The following PHACTR2 variants were observed in gnomAD, a reference collection of about 807,000 sequenced individuals.
The protein encoded by PHACTR2 is phosphatase and actin regulator 2.
PHACTR2 carries 30 observed loss-of-function variants against 76.0 expected under a neutral mutation model. The observed-to-expected ratio is 0.39, with a 90% confidence interval of 0.30 to 0.54. The LOEUF (loss-of-function observed/expected upper bound fraction) is 0.54, where lower values mean the gene tolerates loss of function less well. Ranked by LOEUF, PHACTR2 falls within the 20% of genes least tolerant of loss-of-function variation. The pLI is 0.61. For missense variants in PHACTR2, 696 were observed against 781.1 expected (o/e 0.89, Z 1.30); for synonymous variants, 292 against 292.5 (o/e 1.00, Z 0.02).
At chr6:143,812,484 G>A (rs991799621) in intron 12 of PHACTR2, among the ~76,000 whole-genome samples, 27 of 152,120 alleles carry the variant, frequency 1.8e-4, no homozygotes, top group African/African-American at 6.3e-4. Flanking sequence ...TGATACTTCT[G>A]TCATGGAATA....
rs1478535585 is a variant in PHACTR2 at position 143,686,580 on chromosome 6, T to C, written c.46+8371T>C. ...TCGGCTCACTGCAACCTCCACCTTC[T>C]GGTTTCAAGTGATTCTCCTGCCTCA... On this transcript the variant is annotated intron_variant, in intron 1 of 12. Transcript: ENST00000440869. Among the ~76,000 whole-genome samples, 21 of 149,538 alleles carry C rather than the reference T, an allele frequency of 1.4e-4. No individual in the cohort carries two copies. In the Admixed American group the frequency reaches 1.4e-3, roughly 10 times the overall value.
At chr6:143,665,051 G>A (rs925700809) in intron 1 of PHACTR2, among the ~76,000 whole-genome samples, 3 of 151,908 alleles carry the variant, frequency 2.0e-5, no homozygotes, top group African/African-American at 4.8e-5. Flanking sequence ...TGCCAGCCTC[G>A]GCCTCCCAAA....
intron 1 of PHACTR2, 166 bp from the exon 2 acceptor site, chr6:143,711,850 A>T (rs1302612821): frequency 1.3e-6 from 1 of 763,076 alleles, no homozygotes; most frequent in East Asian, 2.5e-5. Flanking sequence ...TGACTGATTG[A>T]TATGAGGGAA....
rs1213422118 is a variant in PHACTR2 at position 143,599,772 on chromosome 6, T to C, written c.217+62565T>C. Among the ~76,000 whole-genome samples the C allele has an allele frequency of 6.6e-6, 1 of 152,188 alleles. No homozygotes were observed. Among genetic ancestry groups the C allele is most frequent in the Non-Finnish European group, 1.5e-5 (1 of 68,020 alleles). On this transcript the variant is annotated intron_variant, in intron 1 of 11. Transcript: ENST00000367584. The surrounding 1 kb of genome is among the most constrained non-coding windows in gnomAD (Gnocchi z 4.6). ...ATTAAGACATACCACCCTTTCTTTA[T>C]AGAGTCATGAGTCTGCAAGGGATTT... is the stretch of plus-strand genomic sequence containing the variant.
intron 2 of PHACTR2, among the ~76,000 whole-genome samples, chr6:143,725,628 A>G (rs1778548119): frequency 6.6e-6 from 1 of 151,682 alleles, no homozygotes; most frequent in Admixed American, 6.6e-5. Context: ...CGAGGTCAAG[A>G]GATCAAGACC....
At position 143,794,369 on chromosome 6, in the gene PHACTR2, ATTAAG is replaced by A. The variant is rs1355023739; in HGVS notation, c.1845+5464_1845+5468del. Among the ~76,000 whole-genome samples, 2 of 151,452 alleles carry A rather than the reference ATTAAG, an allele frequency of 1.3e-5. No individual in the cohort carries two copies. The highest frequency in any genetic ancestry group is 2.9e-5 in the Non-Finnish European group (2 of 67,882). ...ATTTAGATCAGATTTAAAATATTGT[ATTAAG>A]TTAATTCATGTAAAAATTATAATTT... On this transcript the variant is annotated intron_variant, in intron 11 of 12. Coordinates refer to ENST00000440869, the MANE Select transcript of PHACTR2 (RefSeq NM_001100164.2). This position sits in a 1 kb window ranked among gnomAD's most constrained non-coding sequence, Gnocchi z 4.1.
Position 143,753,747 on chromosome 6 carries a change from A to G in PHACTR2, c.296-7A>G, listed in dbSNP as rs1480512068. ...TTAGACATCTAGGTGTTTCTTTCCC[A>G]TTTTAGATGGAGATGTAACAGTTAA... On this transcript the variant is annotated splice_region_variant and splice_polypyrimidine_tract_variant and intron_variant, in intron 3 of 12. Transcript: ENST00000440869. This position sits in a 1 kb window ranked among gnomAD's most constrained non-coding sequence, Gnocchi z 4.6. 1 of 1,579,304 alleles carries G rather than the reference A, an allele frequency of 6.3e-7. No homozygotes were observed. Among genetic ancestry groups the G allele is most frequent in the East Asian group, 2.2e-5 (1 of 44,506 alleles).
chr6:143,593,028 C>A, intron 1 of PHACTR2, among the ~76,000 whole-genome samples: 1 of 114,538 alleles, frequency 8.7e-6, no homozygotes, highest in Non-Finnish European at 1.6e-5. Flanking sequence ...GCCTGGGTGA[C>A]AGAGCAAGAC....
chr6:143,607,915 C>T (rs1033123332), upstream of PHACTR2, among the ~76,000 whole-genome samples: 1 of 152,182 alleles, frequency 6.6e-6, no homozygotes, highest in Non-Finnish European at 1.5e-5. Context: ...ATGATCAGTG[C>T]CTCTTCCTGC....
intron 3 of PHACTR2, among the ~76,000 whole-genome samples, chr6:143,752,283 T>C (rs1289392794): frequency 1.3e-5 from 2 of 152,050 alleles, no homozygotes; most frequent in Admixed American, 6.5e-5. Flanking sequence ...AAACTGAAGA[T>C]TTTTATACAT....
chr6:143,813,502 C>CA (rs1776225984), intron 12 of PHACTR2, among the ~76,000 whole-genome samples: 1 of 151,396 alleles, frequency 6.6e-6, no homozygotes, highest in African/African-American at 2.4e-5. Flanking sequence ...CCTGTAGTGC[C>CA]AGCTACTCCA....
intron 1 of PHACTR2, among the ~76,000 whole-genome samples, chr6:143,579,574 A>AC (rs36077303): frequency 5.9e-5 from 9 of 151,364 alleles, no homozygotes; most frequent in Admixed American, 2.0e-4. Flanking sequence ...AGCCCAAGGA[A>AC]CCCCCCCAAT....
rs1465842838 is a variant in PHACTR2 at position 143,678,109 on chromosome 6, A to G, written c.-55A>G. 1.3e-6 allele frequency: 2 copies of G among 1,545,380 alleles called. No homozygotes were observed. Among genetic ancestry groups the G allele is most frequent in the Non-Finnish European group, 1.7e-6 (2 of 1,144,682 alleles). On this transcript the variant is annotated 5_prime_UTR_variant, in exon 1 of 13. Transcript: ENST00000440869. The surrounding 1 kb of genome is among the most constrained non-coding windows in gnomAD (Gnocchi z 6.2). Reference sequence around the variant, plus strand: ...AAGTCTGGCTGGGAGCGGACCCATGATCGAAGGACCAAAGGAGCCGCTTGA... The same window carrying G: ...AAGTCTGGCTGGGAGCGGACCCATGGTCGAAGGACCAAAGGAGCCGCTTGA...
In PHACTR2 at chr6:143,793,786, G is replaced by A. The variant is rs1043061309; in HGVS notation, c.1845+4876G>A. On this transcript the variant is annotated intron_variant, in intron 11 of 12. Coordinates refer to ENST00000440869, the MANE Select transcript of PHACTR2 (RefSeq NM_001100164.2). This position sits in a 1 kb window ranked among gnomAD's most constrained non-coding sequence, Gnocchi z 4.4. Reference sequence around the variant, plus strand: ...CAAAAAATTAGCCGGGTGTGGTGGCGCGTACCTGTAGTCCCAGCTACTCGG... The same window carrying A: ...CAAAAAATTAGCCGGGTGTGGTGGCACGTACCTGTAGTCCCAGCTACTCGG... 1.5e-4 allele frequency among the ~76,000 whole-genome samples: 23 copies of A among 151,908 alleles called. No homozygotes were observed. The highest frequency in any genetic ancestry group is 7.9e-4 in the Admixed American group (12 of 15,236).
At chr6:143,607,868 ATGTAT>A (rs764717290), upstream of PHACTR2, among the ~76,000 whole-genome samples, 5 of 152,178 alleles carry the variant, frequency 3.3e-5, no homozygotes, top group Non-Finnish European at 7.3e-5. Context: ...GGAAAGGATA[ATGTAT>A]TGTATTTTTA....
intron 1 of PHACTR2, among the ~76,000 whole-genome samples, chr6:143,635,114 GTTACT>G (rs948917332): frequency 5.9e-5 from 9 of 152,112 alleles, no homozygotes; most frequent in African/African-American, 2.2e-4. Flanking sequence ...GATGGCATGT[GTTACT>G]TTATCTCCAT....
At chr6:143,642,681 G>T (rs527990030) in intron 1 of PHACTR2, among the ~76,000 whole-genome samples, 1 of 152,296 alleles carries the variant, frequency 6.6e-6, no homozygotes, top group South Asian at 2.1e-4. Context: ...AGGGAATTTG[G>T]ACACAGAGAT....
At position 143,595,325 on chromosome 6, in the gene PHACTR2, A is replaced by G. The variant is rs1418011260; in HGVS notation, c.217+58118A>G. On this transcript the variant is annotated intron_variant, in intron 1 of 11. Coordinates refer to the PHACTR2 transcript ENST00000367584. This position sits in a 1 kb window ranked among gnomAD's most constrained non-coding sequence, Gnocchi z 4.2. ...CTGATTTTCTAGCTTTTTAACAGTA[A>G]AGGTAACTTTATTTCCAGCATTCGA... 6.6e-6 allele frequency among the ~76,000 whole-genome samples: 1 copy of G among 152,200 alleles called. No homozygotes were observed. The highest frequency in any genetic ancestry group is 1.9e-4 in the East Asian group (1 of 5,190).
In PHACTR2 at chr6:143,581,328, G is replaced by C. The variant is rs1372484425; in HGVS notation, c.217+44121G>C. ...AGTTATCCTCCTGACCGGGCGCAGT[G>C]GTTCATGCCTGTAATCCCAGCACTT... On this transcript the variant is annotated intron_variant, in intron 1 of 11. Transcript: ENST00000367584. The surrounding 1 kb of genome is among the most constrained non-coding windows in gnomAD (Gnocchi z 4.5). Among the ~76,000 whole-genome samples the C allele has an allele frequency of 6.6e-6, 1 of 152,144 alleles. No homozygotes were observed. Among genetic ancestry groups the C allele is most frequent in the East Asian group, 1.9e-4 (1 of 5,188 alleles).
Sources: allele counts gnomAD v4.1 joint callset (sites outside exome capture counted in the v4.1 genomes callset), GRCh38; gene constraint gnomAD v4.1.1; non-coding constraint Gnocchi (gnomAD v3.1); transcripts MANE v1.5; gene names NCBI Gene and HGNC (gene_info 2026-07-23, HGNC 2026-07-21).